Variants in DCDC2C observed in about 807,000 individuals in gnomAD.
DCDC2C encodes doublecortin domain-containing protein 2C.
A neutral mutation model predicts 45.0 loss-of-function variants in DCDC2C; 44 were observed. That is an observed-to-expected ratio of 0.98 (90% confidence interval 0.77 to 1.26). DCDC2C has a LOEUF of 1.26. Ranked by LOEUF, DCDC2C falls within the 50% of genes most tolerant of loss-of-function variation. The probability of loss-of-function intolerance (pLI) is 0.00; values close to 1 mark genes in which losing one functional copy is unlikely to be tolerated. For synonymous variants in DCDC2C, 187 were observed against 178.8 expected (o/e 1.05, Z -0.37); for missense variants, 447 against 468.9 (o/e 0.95, Z 0.43).
chr2:3,724,909 C>T (rs1668595801), intron 2 of DCDC2C, among the ~76,000 whole-genome samples: 1 of 152,192 alleles, frequency 6.6e-6, no homozygotes, highest in South Asian at 2.1e-4. Context: ...ACGTTTGCCC[C>T]ACCTGAACTC....
At chr2:3,813,068 T>TATA (rs1491343444) in intron 10 of DCDC2C, among the ~76,000 whole-genome samples, 830 of 51,838 alleles carry the variant, frequency 0.016, 26 homozygotes, top group Middle Eastern at 0.034. Flanking sequence ...TATATATATA[T>TATA]TTTTTTTTTT....
chr2:3,797,505 T>G (rs1453040507), intron 10 of DCDC2C, among the ~76,000 whole-genome samples: 5 of 148,156 alleles, frequency 3.4e-5, no homozygotes, highest in African/African-American at 2.5e-5. Flanking sequence ...TTGTGGGCAT[T>G]TAGTGCTATA....
chr2:3,784,533 T>C (rs1177066782), intron 9 of DCDC2C, among the ~76,000 whole-genome samples: 2 of 151,958 alleles, frequency 1.3e-5, no homozygotes, highest in East Asian at 3.9e-4. Flanking sequence ...TGATTTTCTC[T>C]TCCTCCAAGA....
At chr2:3,826,297 G>T (rs1671814040) in intron 10 of DCDC2C, among the ~76,000 whole-genome samples, 1 of 151,962 alleles carries the variant, frequency 6.6e-6, no homozygotes, top group Admixed American at 6.6e-5. Context: ...GTTTTTCATG[G>T]CTCTTTATTT....
intron 10 of DCDC2C, among the ~76,000 whole-genome samples, chr2:3,788,703 T>C (rs1670720162): frequency 6.6e-6 from 1 of 152,162 alleles, no homozygotes; most frequent in Non-Finnish European, 1.5e-5. Flanking sequence ...GCAAAGTCCT[T>C]TTAAATGCAT....
At chr2:3,839,379 G>T (rs777101036) in intron 10 of DCDC2C, among the ~76,000 whole-genome samples, 6 of 152,108 alleles carry the variant, frequency 3.9e-5, no homozygotes, top group Admixed American at 2.0e-4. Flanking sequence ...GCAGCTGCTG[G>T]GGCTTCTGGC....
chr2:3,774,761 G>A (rs1670283111), intron 8 of DCDC2C, among the ~76,000 whole-genome samples: 1 of 148,688 alleles, frequency 6.7e-6, no homozygotes, highest in African/African-American at 2.5e-5. Flanking sequence ...AAAAAATTTT[G>A]AATTTTTGAT....
At chr2:3,842,946 C>T (rs1672251020) in intron 10 of DCDC2C, among the ~76,000 whole-genome samples, 1 of 152,192 alleles carries the variant, frequency 6.6e-6, no homozygotes, top group African/African-American at 2.4e-5. Context: ...TAGCTGTTCT[C>T]TGTCTGGTAA....
At position 3,703,920 on chromosome 2, in the gene DCDC2C, C is replaced by A. The variant is rs2148031492; in HGVS notation, c.169C>A (p.Pro57Thr). ...LEQLTEQVDV[P>T]FGVRRLFTPT... ...GCAGCTCACGGAGCAGGTGGACGTCCCGTTCGGCGTGCGCCGCCTCTTCAC... is the reference window on the plus strand; with the variant it reads ...GCAGCTCACGGAGCAGGTGGACGTCACGTTCGGCGTGCGCCGCCTCTTCAC... The change falls in exon 1 of 11, where the codon CCG becomes ACG. Residue 57 changes from proline (P) to threonine (T), a missense_variant. Transcript: ENST00000399143. The surrounding 1 kb of genome is among the most constrained non-coding windows in gnomAD (Gnocchi z 4.4). 7.5e-7 allele frequency: 1 copy of A among 1,339,448 alleles called. No homozygotes were observed. The highest frequency in any genetic ancestry group is 9.6e-7 in the Non-Finnish European group (1 of 1,041,664). The allele number at this position is 1,339,448 out of a possible 1,614,324, so 83.0% of individuals were successfully genotyped here.
intron 10 of DCDC2C, among the ~76,000 whole-genome samples, chr2:3,799,158 C>T (rs112993452): frequency 0.1 from 15,167 of 152,170 alleles, 1,027 homozygotes; most frequent in East Asian, 0.29. Context: ...TCCAGTTGAT[C>T]GCATCGGCTC....
intron 10 of DCDC2C, among the ~76,000 whole-genome samples, chr2:3,796,992 C>G (rs556771481): frequency 1.3e-5 from 2 of 152,286 alleles, no homozygotes; most frequent in South Asian, 4.1e-4. Flanking sequence ...ATGAATCCGT[C>G]TGGTCCTGGA....
At chr2:3,754,263 G>A (rs1265104361) in intron 5 of DCDC2C, among the ~76,000 whole-genome samples, 1 of 152,214 alleles carries the variant, frequency 6.6e-6, no homozygotes, top group Admixed American at 6.5e-5. Context: ...TTCCAAATTT[G>A]AGAGGCAGCT....
At position 3,761,059 on chromosome 2, in the gene DCDC2C, A is replaced by T. The variant is rs544948104; in HGVS notation, c.726+6425A>T. Among the ~76,000 whole-genome samples the T allele has an allele frequency of 2.6e-5, 4 of 152,234 alleles. No individual in the cohort carries two copies. The highest frequency in any genetic ancestry group is 2.0e-4 in the Admixed American group (3 of 15,284). On this transcript the variant is annotated intron_variant, in intron 6 of 10. Coordinates refer to ENST00000399143, the MANE Select transcript of DCDC2C (RefSeq NM_001287444.2). The surrounding 1 kb of genome is among the most constrained non-coding windows in gnomAD (Gnocchi z 4.3). ...ACAATTAACTGGAACTTTTAGTCCA[A>T]TGAAAGTAATTGAATGAAGCTACTC...
chr2:3,788,992 G>C (rs1054666422), intron 10 of DCDC2C, among the ~76,000 whole-genome samples: 5 of 152,070 alleles, frequency 3.3e-5, no homozygotes, highest in African/African-American at 9.6e-5. Flanking sequence ...GGCATGGCAC[G>C]TGTGCCGCCA....
chr2:3,807,805 G>A (rs11123616), intron 10 of DCDC2C, among the ~76,000 whole-genome samples: 15,157 of 152,002 alleles, frequency 0.1, 1,028 homozygotes, highest in East Asian at 0.29. Context: ...CCTTTTCAGA[G>A]TGTCATAGGC....
At chr2:3,811,125 T>C (rs2148213139) in intron 10 of DCDC2C, among the ~76,000 whole-genome samples, 1 of 152,348 alleles carries the variant, frequency 6.6e-6, no homozygotes, top group East Asian at 1.9e-4. Flanking sequence ...AGAATGTCAA[T>C]GTTAGTTTGA....
At chr2:3,758,426 T>C (rs1188232231) in intron 6 of DCDC2C, among the ~76,000 whole-genome samples, 1 of 152,182 alleles carries the variant, frequency 6.6e-6, no homozygotes, top group African/African-American at 2.4e-5. Context: ...CTCAAAATGA[T>C]TTTTCTGTGA....
intron 4 of DCDC2C, among the ~76,000 whole-genome samples, chr2:3,748,007 G>C (rs181480370): frequency 1.3e-5 from 2 of 152,030 alleles, no homozygotes; most frequent in African/African-American, 2.4e-5. Flanking sequence ...GGTGGAGATC[G>C]TCCCCATCAG....
intron 10 of DCDC2C, among the ~76,000 whole-genome samples, chr2:3,826,661 C>T (rs1345070084): frequency 2.6e-5 from 4 of 152,084 alleles, no homozygotes; most frequent in Admixed American, 2.0e-4. Context: ...CGAAGGTCCC[C>T]TCTCTGTGGG....
Sources: allele counts gnomAD v4.1 joint callset (sites outside exome capture counted in the v4.1 genomes callset), GRCh38; gene constraint gnomAD v4.1.1; non-coding constraint Gnocchi (gnomAD v3.1); transcripts MANE v1.5; gene names NCBI Gene and HGNC (gene_info 2026-07-23, HGNC 2026-07-21).